Variants in ZNFX1 observed in about 807,000 individuals in gnomAD.
ZNFX1 encodes NFX1-type zinc finger-containing protein 1.
In ZNFX1, 78 loss-of-function variants were observed where a neutral mutation model predicts 179.8. The observed-to-expected ratio is 0.43, with a 90% CI of 0.36 to 0.52. ZNFX1 has a LOEUF of 0.52. Ranked by LOEUF, ZNFX1 falls within the 20% of genes least tolerant of loss-of-function variation. The pLI, the probability that ZNFX1 is intolerant of heterozygous loss-of-function variation, is 0.00. For synonymous variants in ZNFX1, 848 were observed against 868.5 expected (o/e 0.98, Z 0.42); for missense variants, 1,927 against 2,386.6 (o/e 0.81, Z 4.01).
rs745488551 is a variant in ZNFX1 at position 49,271,211 on chromosome 20, G to A, written c.601C>T (p.Arg201Cys). 1.9e-6 allele frequency: 3 copies of A among 1,614,106 alleles called. No homozygotes were observed. Among genetic ancestry groups the A allele is most frequent in the South Asian group, 1.1e-5 (1 of 91,080 alleles). ...CCCAGTACATGGAGAACACTCTGGC[G>A]ATCCATTTTGGAGCTACAAGCCTTC... ...LRKACSSKMDRQSVLHVLGIL... is the reference protein window; with the variant it reads ...LRKACSSKMDCQSVLHVLGIL... The change falls in exon 3 of 14, where the codon CGC becomes TGC. Residue 201 changes from arginine (R) to cysteine (C), a missense_variant. Transcript: ENST00000396105.
In ZNFX1 at chr20:49,263,388, C is replaced by T. The variant is rs373267490; in HGVS notation, c.2247G>A (p.Leu749=). 2.3e-5 allele frequency: 37 copies of T among 1,613,926 alleles called. No homozygotes were observed. Among genetic ancestry groups the T allele is most frequent in the Middle Eastern group, 1.7e-4 (1 of 6,010 alleles). ...TMRGVLREQY[L]QKYISPQHWE... is the part of the protein sequence containing the mutation. ...AGTGCTGGGGTGAGATGTACTTCTG[C>T]AGGTACTGTTCCCGTAGGACACCAC... The change falls in exon 6 of 14, where the codon CTG becomes CTA. Residue 749 remains leucine (L), a synonymous_variant. Coordinates refer to ENST00000396105, the MANE Select transcript of ZNFX1 (RefSeq NM_021035.3).
In ZNFX1 at chr20:49,270,009, G is replaced by A; in HGVS notation, c.1803C>T (p.Ser601=). 6.2e-7 allele frequency: 1 copy of A among 1,614,100 alleles called. No homozygotes were observed. Among genetic ancestry groups the A allele is most frequent in the Non-Finnish European group, 8.5e-7 (1 of 1,180,020 alleles). ...GAGCAAACTGCAAGGCTTCCATCTG[G>A]GAGTCATCCAGCTTCAGGGCTTCTT... ...PSKEALKLDD[S]QMEALQFALT... The change falls in exon 3 of 14, where the codon TCC becomes TCT. Residue 601 remains serine (S), a synonymous_variant. Transcript: ENST00000396105. The surrounding 1 kb of genome is among the most constrained non-coding windows in gnomAD (Gnocchi z 4.6).
At chr20:49,264,923 G>A in intron 4 of ZNFX1, 59 bp from the exon 5 acceptor site, 1 of 1,608,402 alleles carries the variant, frequency 6.2e-7, no homozygotes, top group Non-Finnish European at 8.5e-7. Context: ...GTTCTCTCAG[G>A]TGAGAGCTGT....
In ZNFX1 at chr20:49,270,009, G is replaced by C. The variant is rs1568986858; in HGVS notation, c.1803C>G (p.Ser601=). 1 of 1,614,100 alleles carries C rather than the reference G, an allele frequency of 6.2e-7. No homozygotes were observed. Among genetic ancestry groups the C allele is most frequent in the Non-Finnish European group, 8.5e-7 (1 of 1,180,020 alleles). ...GAGCAAACTGCAAGGCTTCCATCTGGGAGTCATCCAGCTTCAGGGCTTCTT... is the reference window on the plus strand; with the variant it reads ...GAGCAAACTGCAAGGCTTCCATCTGCGAGTCATCCAGCTTCAGGGCTTCTT... ...PSKEALKLDD[S]QMEALQFALT... The change falls in exon 3 of 14, where the codon TCC becomes TCG. Residue 601 remains serine, a synonymous_variant. Coordinates refer to ENST00000396105, the MANE Select transcript of ZNFX1 (RefSeq NM_021035.3). The surrounding 1 kb of genome is among the most constrained non-coding windows in gnomAD (Gnocchi z 4.6).
intron 3 of ZNFX1, among the ~76,000 whole-genome samples, chr20:49,266,600 G>C (rs982546084): frequency 1.3e-5 from 1 of 76,236 alleles, no homozygotes; most frequent in Non-Finnish European, 3.7e-5. Flanking sequence ...TCTACATCTT[G>C]ATTTTTTTCA....
chr20:49,248,457 A>G lies in ZNFX1; in HGVS notation c.4567T>C (p.Cys1523Arg). The G allele has an allele frequency of 6.2e-7, 1 of 1,610,942 alleles. No homozygotes were observed. Among genetic ancestry groups the G allele is most frequent in the Non-Finnish European group, 8.5e-7 (1 of 1,177,932 alleles). ...PCVWRCQHYQCTKLCSEPCNR... is the reference protein window; with the variant it reads ...PCVWRCQHYQRTKLCSEPCNR... The stretch of plus-strand genomic sequence containing the variant: ...CAGGGCTCAGAGCAGAGTTTGGTGC[A>G]CTGGTAGTGCTGGCAGCGCCAGACA... The change falls in exon 14 of 14, where the codon TGC (cysteine) becomes CGC (arginine). Residue 1523 changes from cysteine to arginine, a missense_variant. Cys to Arg is a radical substitution (Grantham distance 180, BLOSUM62 -3). Coordinates refer to ENST00000396105, the MANE Select transcript of ZNFX1 (RefSeq NM_021035.3). The surrounding 1 kb of genome is among the most constrained non-coding windows in gnomAD (Gnocchi z 4.6).
Position 49,257,568 on chromosome 20 carries a change from A to G in ZNFX1, c.2513T>C (p.Ile838Thr). Residue 838 changes from isoleucine (I) to threonine (T), a missense_variant, in exon 8 of 14, where the codon ATT (isoleucine) becomes ACT (threonine). Ile to Thr is a moderately conservative substitution (Grantham distance 89). Transcript: ENST00000396105. ...EADLIQADRV[I>T]EEEEVVRPQR... The stretch of plus-strand genomic sequence containing the variant: ...GGGCCTCACCACCTCTTCCTCCTCA[A>G]TCACCCGGTCTGCTTGAATCAGGTC... 1.2e-6 allele frequency: 2 copies of G among 1,613,248 alleles called. No homozygotes were observed. Among genetic ancestry groups the G allele is most frequent in the Non-Finnish European group, 1.7e-6 (2 of 1,179,852 alleles).
intron 9 of ZNFX1, among the ~76,000 whole-genome samples, chr20:49,254,971 G>C (rs1252975102): frequency 6.6e-6 from 1 of 151,668 alleles, no homozygotes; most frequent in East Asian, 1.9e-4. Flanking sequence ...ATTCTCCATA[G>C]AGTATTTATT....
intron 2 of ZNFX1, among the ~76,000 whole-genome samples, chr20:49,273,462 T>C (rs941502731): frequency 2.0e-5 from 3 of 152,160 alleles, no homozygotes; most frequent in Non-Finnish European, 4.4e-5. Flanking sequence ...TAAAGGAATA[T>C]TTGGTAAAAT....
chr20:49,270,069 T>A lies in ZNFX1; in HGVS notation c.1743A>T (p.Arg581Ser), dbSNP rs371268973. 7.4e-6 allele frequency: 12 copies of A among 1,614,132 alleles called. No homozygotes were observed. The highest frequency in any genetic ancestry group is 8.5e-7 in the Non-Finnish European group (1 of 1,180,052). ...ACTGGCCAGGATCTAAGACATTAATTCTGGGATGTCTCAAACCCTCGACAT... is the reference window on the plus strand; with the variant it reads ...ACTGGCCAGGATCTAAGACATTAATACTGGGATGTCTCAAACCCTCGACAT... ...LRNVEGLRHP[R>S]INVLDPGQWP... The change falls in exon 3 of 14, where the codon AGA (arginine) becomes AGT (serine). Residue 581 changes from arginine to serine, a missense_variant. Physicochemically the swap from Arg to Ser is moderately radical, Grantham distance 110. Transcript: ENST00000396105. The surrounding 1 kb of genome is among the most constrained non-coding windows in gnomAD (Gnocchi z 4.6).
chr20:49,275,969 CCT>C lies in ZNFX1; in HGVS notation c.-48-84_-48-83del. ...AAACACCATCAAGCCAGTCCTTCTG[CCT>C]TTGTTAACATTTTAATGATTTGTTA... On this transcript the variant is annotated intron_variant, in intron 1 of 13. Coordinates refer to ENST00000396105, the MANE Select transcript of ZNFX1 (RefSeq NM_021035.3). The C allele has an allele frequency of 2.5e-6, 2 of 807,502 alleles. 1 individual carries two copies. Among genetic ancestry groups the C allele is most frequent in the South Asian group, 3.2e-5 (2 of 61,672 alleles). The allele number at this position is 807,502 out of a possible 1,614,324, so 50.0% of individuals were successfully genotyped here. A position where few individuals can be genotyped will look rare whatever the true frequency, so the allele number is the denominator to read the frequency against.
At position 49,249,075 on chromosome 20, in the gene ZNFX1, G is replaced by A; in HGVS notation, c.3949C>T (p.Gln1317Ter). The A allele has an allele frequency of 6.2e-7, 1 of 1,614,228 alleles. No individual in the cohort carries two copies. Among genetic ancestry groups the A allele is most frequent in the Non-Finnish European group, 8.5e-7 (1 of 1,180,040 alleles). The change falls in exon 14 of 14, where the codon CAA (glutamine) becomes TAA (stop). Residue 1317 changes from glutamine (Q) to a stop codon, truncating the protein, a stop_gained. Coordinates refer to ENST00000396105, the MANE Select transcript of ZNFX1 (RefSeq NM_021035.3). LOFTEE classifies it high-confidence loss of function. ...ACCTTCTGGCATGGCTTCATGCATT[G>A]GAACTCCTTGTGTGAAGAGTCATAA... is the stretch of plus-strand genomic sequence containing the variant. ...HPYDSSHKEF[Q>*]CMKPCQKVIC...
intron 2 of ZNFX1, 134 bp from the exon 3 acceptor site, chr20:49,271,884 C>G: frequency 9.7e-7 from 1 of 1,028,822 alleles, no homozygotes. Flanking sequence ...AAAACGGTTT[C>G]TACCAAGTCA....
In ZNFX1 at chr20:49,248,714, G is replaced by A; in HGVS notation, c.4310C>T (p.Thr1437Ile). The change falls in exon 14 of 14, where the codon ACT (threonine) becomes ATT (isoleucine). Residue 1437 changes from threonine to isoleucine, a missense_variant. Thr to Ile is a moderately conservative substitution (Grantham distance 89). Coordinates refer to ENST00000396105, the MANE Select transcript of ZNFX1 (RefSeq NM_021035.3). This position sits in a 1 kb window ranked among gnomAD's most constrained non-coding sequence, Gnocchi z 4.6. ...LLVKCTTKCG[T>I]ILDCGHPCPG... Reference sequence around the variant, plus strand: ...GCAAGGATGCCCGCAGTCCAAGATAGTGCCACACTTTGTGGTACACTTGAC... The same window carrying A: ...GCAAGGATGCCCGCAGTCCAAGATAATGCCACACTTTGTGGTACACTTGAC... 1 of 1,612,764 alleles carries A rather than the reference G, an allele frequency of 6.2e-7. No homozygotes were observed.
Position 49,247,500 on chromosome 20 carries a change from G to A in ZNFX1, c.5524C>T (p.Pro1842Ser), listed in dbSNP as rs1162559280. ...CGGCACTTGAACCAGTGACCACGAG[G>A]ATAACCTATGGCACTGACAATCTGC... The part of the protein sequence containing the change: ...RVQIVSAIGY[P>S]RGHWFKCRNG... The change falls in exon 14 of 14, where the codon CCT (proline) becomes TCT (serine). Residue 1842 changes from proline (P) to serine (S), a missense_variant. Physicochemically the swap from Pro to Ser is moderately conservative, Grantham distance 74. Transcript: ENST00000396105. 6.2e-7 allele frequency: 1 copy of A among 1,614,150 alleles called. No homozygotes were observed. The highest frequency in any genetic ancestry group is 1.7e-5 in the Admixed American group (1 of 60,010).
Position 49,257,654 on chromosome 20 carries a change from T to G in ZNFX1, c.2427A>C (p.Glu809Asp). ...PAGPENTAQA[E>D]GDEEEEGEEE... is the part of the protein sequence containing the mutation. ...CCTCCCCTTCTTCCTCCTCATCCCC[T>G]TCTGCCTGGGCTAAGAGAGAGAAAC... Residue 809 changes from glutamate (E) to aspartate (D), a missense_variant, in exon 8 of 14, where the codon GAA becomes GAC. By Grantham distance (45) the Glu-to-Asp change is conservative (BLOSUM62 2). Transcript: ENST00000396105. 1 of 1,613,174 alleles carries G rather than the reference T, an allele frequency of 6.2e-7. No individual in the cohort carries two copies. The highest frequency in any genetic ancestry group is 8.5e-7 in the Non-Finnish European group (1 of 1,179,896).
At position 49,249,033 on chromosome 20, in the gene ZNFX1, G is replaced by A; in HGVS notation, c.3991C>T (p.His1331Tyr). 1.9e-6 allele frequency: 3 copies of A among 1,614,234 alleles called. No individual in the cohort carries two copies. The highest frequency in any genetic ancestry group is 2.5e-6 in the Non-Finnish European group (3 of 1,180,038). Reference sequence around the variant, plus strand: ...TGGAAGCAAACAAGGGGACACCGGTGCCCTTCCTGACAGATGACCTTCTGG... The same window carrying A: ...TGGAAGCAAACAAGGGGACACCGGTACCCTTCCTGACAGATGACCTTCTGG... Reference protein sequence around the residue: ...PCQKVICQEGHRCPLVCFQEC... With the variant: ...PCQKVICQEGYRCPLVCFQEC... The change falls in exon 14 of 14, where the codon CAC becomes TAC. Residue 1331 changes from histidine to tyrosine, a missense_variant. Transcript: ENST00000396105.
In ZNFX1 at chr20:49,260,594, G is replaced by T. The variant is rs1425346554; in HGVS notation, c.2302-17C>A. ...TTCACTATCCTAAGGAAAGAAGAAT[G>T]ATCATTTGTGAGGATTCTATGACAA... On this transcript the variant is annotated splice_polypyrimidine_tract_variant and intron_variant, in intron 6 of 13. Coordinates refer to ENST00000396105, the MANE Select transcript of ZNFX1 (RefSeq NM_021035.3). 3 of 1,545,190 alleles carry T rather than the reference G, an allele frequency of 1.9e-6. No individual in the cohort carries two copies. The highest frequency in any genetic ancestry group is 2.7e-6 in the Non-Finnish European group (3 of 1,130,060).
Position 49,269,993 on chromosome 20 carries a change from G to A in ZNFX1, c.1819C>T (p.Gln607Ter). The A allele has an allele frequency of 6.2e-7, 1 of 1,613,800 alleles. No homozygotes were observed. Among genetic ancestry groups the A allele is most frequent in the East Asian group, 2.2e-5 (1 of 44,886 alleles). ...GCCAGTTCCCTTGTGAGAGCAAACT[G>A]CAAGGCTTCCATCTGGGAGTCATCC... ...KLDDSQMEAL[Q>*]FALTRELAII... The change falls in exon 3 of 14, where the codon CAG becomes TAG. Residue 607 changes from glutamine to a stop codon, truncating the protein, a stop_gained. Transcript: ENST00000396105. LOFTEE classifies it high-confidence loss of function.
Sources: allele counts gnomAD v4.1 joint callset (sites outside exome capture counted in the v4.1 genomes callset), GRCh38; gene constraint gnomAD v4.1.1; non-coding constraint Gnocchi (gnomAD v3.1); transcripts MANE v1.5; gene names NCBI Gene and HGNC (gene_info 2026-07-23, HGNC 2026-07-21).